Variants in FBXO31 observed in about 807,000 individuals in gnomAD.
FBXO31 encodes F-box protein 31, also known as F-box only protein 31.
A neutral mutation model predicts 54.4 loss-of-function variants in FBXO31; 24 were observed. The ratio of observed to expected loss-of-function variants is 0.44; its 90% CI spans 0.32 to 0.62. FBXO31 has a LOEUF of 0.62. Among genes scored for constraint, FBXO31 ranks in the 20% least tolerant of loss-of-function variants. The pLI is 0.05. For synonymous variants in FBXO31, 388 were observed against 335.6 expected (o/e 1.16, Z -1.71); for missense variants, 665 against 787.1 (o/e 0.84, Z 1.86).
chr16:87,374,184 G>A (rs892384412), intron 1 of FBXO31, among the ~76,000 whole-genome samples: 14 of 151,738 alleles, frequency 9.2e-5, no homozygotes, highest in African/African-American at 3.1e-4. Context: ...CAAAGTTGCC[G>A]TGAGCCATGA....
intron 5 of FBXO31, among the ~76,000 whole-genome samples, chr16:87,337,749 C>T (rs1314487753): frequency 1.3e-5 from 2 of 152,006 alleles, no homozygotes; most frequent in East Asian, 3.9e-4. Flanking sequence ...CCTTATGCCA[C>T]ACACAAGATC....
At chr16:87,381,516 G>C (rs1329390006) in intron 1 of FBXO31, among the ~76,000 whole-genome samples, 3 of 152,178 alleles carry the variant, frequency 2.0e-5, no homozygotes, top group Admixed American at 1.3e-4. Context: ...AGATAAACAC[G>C]AGCCTGGGCT....
rs1396650824 is a variant in FBXO31 at position 87,346,267 on chromosome 16, C to A, written c.489+907G>T. 6.6e-6 allele frequency among the ~76,000 whole-genome samples: 1 copy of A among 151,940 alleles called. No homozygotes were observed. Among genetic ancestry groups the A allele is most frequent in the Admixed American group, 6.5e-5 (1 of 15,272 alleles). The stretch of plus-strand genomic sequence containing the variant: ...CTTTGCCCGCAGGCCGGGGCCAGGG[C>A]CTCTTGAGGAGACCAGGCCACGGCA... On this transcript the variant is annotated intron_variant, in intron 3 of 8. Coordinates refer to ENST00000311635, the MANE Select transcript of FBXO31 (RefSeq NM_024735.5). This position sits in a 1 kb window ranked among gnomAD's most constrained non-coding sequence, Gnocchi z 4.2.
chr16:87,364,606 G>C (rs961691444), intron 1 of FBXO31, among the ~76,000 whole-genome samples: 1 of 152,140 alleles, frequency 6.6e-6, no homozygotes, highest in African/African-American at 2.4e-5. Flanking sequence ...TCAGACTGAG[G>C]GACGCGTCAC....
intron 2 of FBXO31, among the ~76,000 whole-genome samples, chr16:87,352,458 A>C (rs939704293): frequency 6.6e-6 from 1 of 152,170 alleles, no homozygotes; most frequent in African/African-American, 2.4e-5. Context: ...ATAACCAAAA[A>C]AAAAATTGTT....
At chr16:87,363,475 G>C (rs764204110) in intron 1 of FBXO31, among the ~76,000 whole-genome samples, 1 of 152,172 alleles carries the variant, frequency 6.6e-6, no homozygotes, top group Non-Finnish European at 1.5e-5. Context: ...GGCATCTGAG[G>C]CTTGCCTGCC....
chr16:87,375,162 C>T (rs58417876), intron 1 of FBXO31, among the ~76,000 whole-genome samples: 4,706 of 152,202 alleles, frequency 0.031, 251 homozygotes, highest in African/African-American at 0.11. Context: ...AAAAATTAGC[C>T]GGGCGTGGTA....
chr16:87,327,665 C>T lies in FBXO31; in HGVS notation c.*3623G>A, dbSNP rs1033900605. 6.6e-6 allele frequency: 1 copy of T among 152,112 alleles called. No individual in the cohort carries two copies. The highest frequency in any genetic ancestry group is 2.4e-5 in the African/African-American group (1 of 41,366). 9.4% of individuals were successfully genotyped at this position (152,112 alleles called of 1,614,324 possible). Reference sequence around the variant, plus strand: ...AGCAAGACCCTGTCTCAAAAAACAACAAAAAAAGTACCAGCCGCATGGAGA... The same window carrying T: ...AGCAAGACCCTGTCTCAAAAAACAATAAAAAAAGTACCAGCCGCATGGAGA... On this transcript the variant is annotated 3_prime_UTR_variant, in exon 9 of 9. Coordinates refer to ENST00000311635, the MANE Select transcript of FBXO31 (RefSeq NM_024735.5).
chr16:87,390,973 GA>G (rs1341888345), upstream of FBXO31, among the ~76,000 whole-genome samples: 1 of 152,120 alleles, frequency 6.6e-6, no homozygotes, highest in East Asian at 1.9e-4. Context: ...ATCCAATTGG[GA>G]TAGAAGAAAG....
intron 7 of FBXO31, among the ~76,000 whole-genome samples, chr16:87,334,822 G>C (rs1187121778): frequency 2.6e-5 from 4 of 152,200 alleles, no homozygotes; most frequent in Non-Finnish European, 4.4e-5. Flanking sequence ...ATGGGACAAT[G>C]AGCCCCTGTT....
intron 2 of FBXO31, among the ~76,000 whole-genome samples, chr16:87,354,227 C>T (rs188040405): frequency 6.6e-6 from 1 of 152,328 alleles, no homozygotes; most frequent in East Asian, 1.9e-4. Flanking sequence ...AATCCCAACA[C>T]TTTGGGAAGC....
chr16:87,379,669 G>C (rs553172935), intron 1 of FBXO31, among the ~76,000 whole-genome samples: 5 of 152,154 alleles, frequency 3.3e-5, no homozygotes, highest in Non-Finnish European at 5.9e-5. Context: ...CCATCAGCCA[G>C]GGTCTGTGGG....
chr16:87,345,426 C>T lies in FBXO31; in HGVS notation c.490-1661G>A, dbSNP rs1175952697. 6.6e-6 allele frequency among the ~76,000 whole-genome samples: 1 copy of T among 152,168 alleles called. No individual in the cohort carries two copies. The highest frequency in any genetic ancestry group is 2.4e-5 in the African/African-American group (1 of 41,436). ...AGACACTGGCACCACGCAGAGCCCG[C>T]AGAGCACCACCTCCTCACCCCACAG... On this transcript the variant is annotated intron_variant, in intron 3 of 8. Coordinates refer to ENST00000311635, the MANE Select transcript of FBXO31 (RefSeq NM_024735.5). This position sits in a 1 kb window ranked among gnomAD's most constrained non-coding sequence, Gnocchi z 4.9.
chr16:87,344,427 C>T (rs922511155), intron 3 of FBXO31, among the ~76,000 whole-genome samples: 13 of 152,208 alleles, frequency 8.5e-5, no homozygotes, highest in Non-Finnish European at 1.5e-4. Context: ...GGCCCCAGCA[C>T]GCTCTGGCCA....
intron 5 of FBXO31, among the ~76,000 whole-genome samples, chr16:87,337,825 T>TAA (rs35518535): frequency 6.8e-6 from 1 of 146,798 alleles, no homozygotes. Context: ...AAACTTCTAT[T>TAA]AAAAAAAAAA....
chr16:87,340,582 A>C (rs1161546426), intron 5 of FBXO31, among the ~76,000 whole-genome samples: 1 of 152,240 alleles, frequency 6.6e-6, no homozygotes, highest in East Asian at 1.9e-4. Context: ...ATTTGTAAAC[A>C]TATGTGCTTC....
At chr16:87,369,155 G>A (rs1447168540) in intron 1 of FBXO31, among the ~76,000 whole-genome samples, 4 of 151,714 alleles carry the variant, frequency 2.6e-5, no homozygotes, top group Non-Finnish European at 4.4e-5. Flanking sequence ...ATTGGAATAT[G>A]TGAAGTGGCA....
Position 87,383,515 on chromosome 16 carries a change from T to G in FBXO31, c.230A>C (p.Glu77Ala). Residue 77 changes from glutamate (E) to alanine (A), a missense_variant, in exon 1 of 9, where the codon GAG becomes GCG. Coordinates refer to ENST00000311635, the MANE Select transcript of FBXO31 (RefSeq NM_024735.5). This position sits in a 1 kb window ranked among gnomAD's most constrained non-coding sequence, Gnocchi z 4.9. The part of the protein sequence containing the change: ...LLELPPELLV[E>A]IFASLPGTDL... ...CGTGCCCGGCAGCGACGCGAAGATC[T>G]CCACCAGCAGCTCGGGCGGCAGCTC... is the stretch of plus-strand genomic sequence containing the variant. 1 of 1,584,700 alleles carries G rather than the reference T, an allele frequency of 6.3e-7. No individual in the cohort carries two copies. Among genetic ancestry groups the G allele is most frequent in the Non-Finnish European group, 8.5e-7 (1 of 1,169,686 alleles).
intron 2 of FBXO31, among the ~76,000 whole-genome samples, chr16:87,354,740 G>A (rs1242593325): frequency 6.6e-6 from 1 of 152,190 alleles, no homozygotes; most frequent in African/African-American, 2.4e-5. Context: ...GGCCGAGGTA[G>A]ATGGATCACC....
Sources: allele counts gnomAD v4.1 joint callset (sites outside exome capture counted in the v4.1 genomes callset), GRCh38; gene constraint gnomAD v4.1.1; non-coding constraint Gnocchi (gnomAD v3.1); transcripts MANE v1.5; gene names NCBI Gene and HGNC (gene_info 2026-07-23, HGNC 2026-07-21).